Variants in ROBO2 observed in about 807,000 individuals in gnomAD.
ROBO2 encodes roundabout homolog 2.
In ROBO2, 53 loss-of-function variants were observed where a neutral mutation model predicts 160.8. The observed-to-expected ratio is 0.33, with a 90% CI of 0.26 to 0.41. The LOEUF is 0.41. Ranked by LOEUF, ROBO2 falls within the 10% of genes least tolerant of loss-of-function variation. The pLI, the probability that ROBO2 is intolerant of heterozygous loss-of-function variation, is 1.00. For missense variants in ROBO2, 1,577 were observed against 1,722.4 expected (o/e 0.92, Z 1.49); for synonymous variants, 664 against 611.7 (o/e 1.09, Z -1.26).
intron 2 of ROBO2, among the ~76,000 whole-genome samples, chr3:76,760,552 T>TAG (rs2061246031): frequency 6.6e-6 from 1 of 151,722 alleles, no homozygotes; most frequent in Admixed American, 6.6e-5. Context: ...CAGCTGAAGG[T>TAG]AGAGAGATCC....
At chr3:77,379,608 C>T (rs944648580) in intron 2 of ROBO2, among the ~76,000 whole-genome samples, 15 of 152,164 alleles carry the variant, frequency 9.9e-5, no homozygotes, top group Non-Finnish European at 1.3e-4. Context: ...GTCGTTTGTT[C>T]AGATGAACAT....
chr3:76,505,427 G>C (rs1050134649), intron 2 of ROBO2, among the ~76,000 whole-genome samples: 1 of 152,108 alleles, frequency 6.6e-6, no homozygotes, highest in African/African-American at 2.4e-5. Context: ...CTCCAAGAGG[G>C]TATGTTCAAG....
chr3:76,319,154 C>G (rs570767837), intron 2 of ROBO2, among the ~76,000 whole-genome samples: 4 of 152,096 alleles, frequency 2.6e-5, no homozygotes, highest in Admixed American at 6.6e-5. Flanking sequence ...TCTCATCAGT[C>G]CTGAGGATCA....
At chr3:76,217,117 A>G (rs1373514903) in intron 2 of ROBO2, among the ~76,000 whole-genome samples, 1 of 152,228 alleles carries the variant, frequency 6.6e-6, no homozygotes, top group African/African-American at 2.4e-5. Flanking sequence ...ACCAACGAGA[A>G]CAAAGAAGAC....
intron 2 of ROBO2, among the ~76,000 whole-genome samples, chr3:77,168,403 C>G (rs939434276): frequency 6.6e-6 from 1 of 152,036 alleles, no homozygotes; most frequent in African/African-American, 2.4e-5. Flanking sequence ...TAGTATTTGC[C>G]TACTCATATT....
At chr3:76,132,397 G>GC (rs1553653752) in intron 2 of ROBO2, among the ~76,000 whole-genome samples, 6 of 115,552 alleles carry the variant, frequency 5.2e-5, no homozygotes, top group Non-Finnish European at 6.9e-5. Context: ...AGACTGTTGG[G>GC]GGGGGGGGGG....
At chr3:77,508,592 T>C (rs986637372) in intron 5 of ROBO2, among the ~76,000 whole-genome samples, 2 of 151,752 alleles carry the variant, frequency 1.3e-5, no homozygotes, top group Non-Finnish European at 2.9e-5. Context: ...TCATTGTTAG[T>C]GATAGGTCAG....
At chr3:77,354,280 A>T (rs1279617589) in intron 2 of ROBO2, among the ~76,000 whole-genome samples, 1 of 152,202 alleles carries the variant, frequency 6.6e-6, no homozygotes, top group Non-Finnish European at 1.5e-5. Context: ...GAGTCCAGAT[A>T]ATACAGATCA....
intron 2 of ROBO2, among the ~76,000 whole-genome samples, chr3:76,214,313 CG>C (rs1703348236): frequency 6.6e-6 from 1 of 152,020 alleles, no homozygotes. Context: ...TGTTAAAACT[CG>C]GTCCCTCAGT....
chr3:76,691,644 C>T (rs2092805430), intron 2 of ROBO2, among the ~76,000 whole-genome samples: 1 of 152,020 alleles, frequency 6.6e-6, no homozygotes, highest in South Asian at 2.1e-4. Context: ...TTGATACAAT[C>T]CAAGGCATGG....
intron 2 of ROBO2, among the ~76,000 whole-genome samples, chr3:76,498,013 T>C (rs888907867): frequency 6.6e-6 from 1 of 152,230 alleles, no homozygotes; most frequent in Non-Finnish European, 1.5e-5. Flanking sequence ...CACTATATTT[T>C]AAACCTCTTT....
intron 2 of ROBO2, among the ~76,000 whole-genome samples, chr3:76,492,083 C>T (rs1001991571): frequency 2.6e-5 from 4 of 152,092 alleles, no homozygotes; most frequent in Admixed American, 6.5e-5. Flanking sequence ...TGCCACTGCA[C>T]TCCAGCCTGG....
At chr3:76,964,499 T>A (rs955075198) in intron 2 of ROBO2, among the ~76,000 whole-genome samples, 3 of 152,108 alleles carry the variant, frequency 2.0e-5, no homozygotes, top group Non-Finnish European at 2.9e-5. Context: ...CACGCCACCA[T>A]GCCCGGCTAA....
intron 2 of ROBO2, among the ~76,000 whole-genome samples, chr3:76,100,453 C>G (rs1377317740): frequency 6.6e-6 from 1 of 152,128 alleles, no homozygotes; most frequent in Non-Finnish European, 1.5e-5. Context: ...ATGTATCTTT[C>G]CATTCCAATT....
At chr3:77,639,829 A>G (rs961648324) in intron 24 of ROBO2, among the ~76,000 whole-genome samples, 1 of 152,176 alleles carries the variant, frequency 6.6e-6, no homozygotes, top group Non-Finnish European at 1.5e-5. Context: ...TTAAAAAGTC[A>G]TTCTATTCTA....
intron 2 of ROBO2, among the ~76,000 whole-genome samples, chr3:76,746,225 G>C (rs909964254): frequency 6.6e-6 from 1 of 151,736 alleles, no homozygotes; most frequent in African/African-American, 2.4e-5. Flanking sequence ...TCTTAATCCA[G>C]TCTATCATTG....
At chr3:76,807,043 A>G (rs1396514113) in intron 2 of ROBO2, among the ~76,000 whole-genome samples, 1 of 152,066 alleles carries the variant, frequency 6.6e-6, no homozygotes, top group Non-Finnish European at 1.5e-5. Context: ...AAGTTGGGGA[A>G]GAAGACTTAA....
At chr3:76,402,004 C>G (rs1256211219) in intron 2 of ROBO2, among the ~76,000 whole-genome samples, 2 of 151,466 alleles carry the variant, frequency 1.3e-5, no homozygotes, top group African/African-American at 4.8e-5. Flanking sequence ...TAGTTTAACA[C>G]TAAGAAGACG....
At chr3:77,457,682 A>T (rs2081817379) in intron 2 of ROBO2, among the ~76,000 whole-genome samples, 1 of 152,118 alleles carries the variant, frequency 6.6e-6, no homozygotes, top group Admixed American at 6.6e-5. Flanking sequence ...GAAGTAAATG[A>T]CTAGATTTTA....
Sources: allele counts gnomAD v4.1 joint callset (sites outside exome capture counted in the v4.1 genomes callset), GRCh38; gene constraint gnomAD v4.1.1; transcripts MANE v1.5; gene names NCBI Gene and HGNC (gene_info 2026-07-23, HGNC 2026-07-21).